The following WTAP variants were observed in gnomAD, a reference collection of about 807,000 sequenced individuals.
WTAP encodes the protein WT1 associated protein, also known as pre-mRNA-splicing regulator WTAP.
WTAP carries 8 observed loss-of-function variants against 50.0 expected under a neutral mutation model. The observed-to-expected ratio is 0.16, with a 90% confidence interval of 0.09 to 0.29. The LOEUF (loss-of-function observed/expected upper bound fraction) is 0.29. WTAP is among the 10% of genes least tolerant of loss of function. The pLI is 1.00. For missense variants in WTAP, 295 were observed against 470.7 expected, an observed-to-expected ratio of 0.63 and a Z score of 3.45; for synonymous variants, 194 against 169.0, an observed-to-expected ratio of 1.15 and a Z score of -1.15.
rs551325695 is a variant in WTAP, at chr6:159,745,590, G to A, written c.273+1798G>A. On this transcript the variant is annotated intron_variant, in intron 5 of 7. Transcript: ENST00000621533. ...GTCAAGATTATATATGGCAGATGAGGATAAAGTTTCAGGTGAGAGTGAAAA... is the reference window on the plus strand; with the variant it reads ...GTCAAGATTATATATGGCAGATGAGAATAAAGTTTCAGGTGAGAGTGAAAA... Among the ~76,000 whole-genome samples, 9 of 152,278 alleles carry A rather than the reference G, an allele frequency of 5.9e-5. No homozygotes were observed. The South Asian group carries it at 1.9e-3, about 32-fold the overall frequency.
At chr6:159,726,768 G>A, upstream of WTAP, 1 of 1,288,876 alleles carries the variant, frequency 7.8e-7, no homozygotes, top group Non-Finnish European at 1.0e-6. Flanking sequence ...GAGATGTCAA[G>A]GAGGAACGAA....
chr6:159,749,385 T>TA (rs2114949373), intron 6 of WTAP: 1 of 985,726 alleles, frequency 1.0e-6, no homozygotes, highest in African/African-American at 1.7e-5. Context: ...CCTTTTGTAT[T>TA]GCACTCTTGA....
upstream of WTAP, chr6:159,726,708 A>G (rs1778184579): frequency 4.1e-6 from 5 of 1,219,522 alleles, no homozygotes; most frequent in Non-Finnish European, 5.3e-6. Flanking sequence ...CGCCGCGGAC[A>G]CAGCGCAACC....
intron 4 of WTAP, 57 bp downstream of exon 4, chr6:159,742,203 T>A: frequency 7.1e-7 from 1 of 1,400,974 alleles, no homozygotes; most frequent in Non-Finnish European, 9.9e-7. Context: ...ATTGTTAAAA[T>A]CAAAAGGATA....
In WTAP at chr6:159,753,471, A is replaced by G. The variant is rs752689201; in HGVS notation, c.464A>G (p.Lys155Arg). 6.2e-7 allele frequency: 1 copy of G among 1,614,184 alleles called. No homozygotes were observed. Among genetic ancestry groups the G allele is most frequent in the Non-Finnish European group, 8.5e-7 (1 of 1,180,026 alleles). The change falls in exon 7 of 8, where the codon AAA (lysine) becomes AGA (arginine). Residue 155 changes from lysine to arginine, a missense_variant. Lys to Arg is a conservative substitution (Grantham distance 26, BLOSUM62 2). This residue lies in a region of WTAP where 120 missense variants were observed against 287.6 expected (regional missense o/e 0.42). Coordinates refer to ENST00000621533, the MANE Select transcript of WTAP (RefSeq NM_001270531.2). ...TCTTTCCTTTGCAGCCAAACAGGGA[A>G]AAAGTTAATGGCGAAGTGTCGAATG... The part of the protein sequence containing the change: ...WKFTPDSQTG[K>R]KLMAKCRMLI...
At chr6:159,749,055 A>G (rs1202201311) in intron 6 of WTAP, 3 of 990,796 alleles carry the variant, frequency 3.0e-6, no homozygotes, top group Non-Finnish European at 2.4e-6. Context: ...TTGGGGCTCT[A>G]TATTACTTGC....
intron 2 of WTAP, among the ~76,000 whole-genome samples, chr6:159,738,211 G>A (rs779411109): frequency 1.3e-5 from 2 of 152,276 alleles, no homozygotes; most frequent in East Asian, 1.9e-4. Flanking sequence ...AAGCTTCATC[G>A]AGTTATTCTT....
chr6:159,749,551 T>C (rs1284274106), intron 6 of WTAP: 5 of 574,052 alleles, frequency 8.7e-6, no homozygotes, highest in Non-Finnish European at 8.8e-6. Context: ...TGCTGTGCTC[T>C]TCAAAGTGAA....
At chr6:159,737,782 A>G (rs908785294) in intron 2 of WTAP, among the ~76,000 whole-genome samples, 1 of 152,238 alleles carries the variant, frequency 6.6e-6, no homozygotes, top group East Asian at 1.9e-4. Context: ...CACAATGCCC[A>G]GCCAAAGCCT....
At chr6:159,753,732 G>T in intron 7 of WTAP, 118 bp downstream of exon 7, 1 of 1,270,940 alleles carries the variant, frequency 7.9e-7, no homozygotes. Context: ...CCCTATGATT[G>T]TATATTATTG....
chr6:159,734,846 C>CT (rs369064240), intron 1 of WTAP, among the ~76,000 whole-genome samples: 44 of 151,994 alleles, frequency 2.9e-4, no homozygotes, highest in African/African-American at 8.2e-4. Flanking sequence ...ATGTCGTATA[C>CT]TTTTTTTTCC....
intron 5 of WTAP, among the ~76,000 whole-genome samples, chr6:159,747,837 T>C (rs1451372654): frequency 6.6e-6 from 1 of 152,180 alleles, no homozygotes; most frequent in African/African-American, 2.4e-5. Context: ...CCACTTTAAG[T>C]CCCAGATTTG....
intron 4 of WTAP, 114 bp from the exon 5 acceptor site, chr6:159,743,551 G>C: frequency 9.8e-7 from 1 of 1,018,640 alleles, no homozygotes. Context: ...AAAGTAGTTA[G>C]GATGGAAACT....
intron 6 of WTAP, among the ~76,000 whole-genome samples, chr6:159,750,487 C>G (rs1250024362): frequency 1.3e-5 from 2 of 152,166 alleles, no homozygotes. Context: ...CATCCTCATT[C>G]TCTTCTCCAA....
chr6:159,742,066 TG>T (rs1779289874), intron 3 of WTAP, 21 bp from the exon 4 acceptor site: 6 of 1,544,414 alleles, frequency 3.9e-6, no homozygotes, highest in Non-Finnish European at 5.3e-6. Flanking sequence ...TAACAACTAA[TG>T]TATGGATTTT....
chr6:159,726,869 G>A (rs928757320), upstream of WTAP: 52 of 1,289,120 alleles, frequency 4.0e-5, 1 homozygote, highest in East Asian at 2.2e-3. Context: ...CTTCTGCTAA[G>A]AGTAAACGCC....
intron 1 of WTAP, among the ~76,000 whole-genome samples, chr6:159,729,963 C>G (rs938227409): frequency 3.3e-5 from 5 of 152,148 alleles, no homozygotes; most frequent in African/African-American, 7.2e-5. Context: ...CCATACTAAG[C>G]TGTTTTTCTG....
In WTAP at chr6:159,748,414, A is replaced by T. The variant is rs1433944448; in HGVS notation, c.452+45A>T. The T allele has an allele frequency of 6.2e-7, 1 of 1,603,670 alleles. No homozygotes were observed. Among genetic ancestry groups the T allele is most frequent in the East Asian group, 2.2e-5 (1 of 44,674 alleles). ...CAGTCAAGACTTCCCTGACAGTCCC[A>T]CTACGAGAAAGCTGTGGTGGGACAG... On this transcript the variant is annotated intron_variant, in intron 6 of 7. Coordinates refer to ENST00000621533, the MANE Select transcript of WTAP (RefSeq NM_001270531.2). The surrounding 1 kb of genome is among the most constrained non-coding windows in gnomAD (Gnocchi z 5.6).
At chr6:159,726,891 G>C, upstream of WTAP, 1 of 1,289,122 alleles carries the variant, frequency 7.8e-7, no homozygotes, top group South Asian at 1.2e-5. Flanking sequence ...GCGGCTCGCC[G>C]CCCACGGCCT....
Sources: gnomAD v4.1 joint callset for allele counts (sites outside exome capture counted in the v4.1 genomes callset) on GRCh38, gnomAD v4.1.1 for gene constraint, gnomAD v4.1.1 regional missense constraint, Gnocchi (gnomAD v3.1) non-coding constraint, MANE v1.5 for transcripts, NCBI Gene and HGNC (gene_info 2026-07-23, HGNC 2026-07-21) for gene names.